SRR: variants seen among roughly 807,000 people sequenced by gnomAD.
The protein encoded by SRR is serine racemase.
SRR carries 19 observed loss-of-function variants against 32.7 expected under a neutral mutation model. That is an observed-to-expected ratio of 0.58 (90% confidence interval 0.40 to 0.85). The LOEUF (loss-of-function observed/expected upper bound fraction) is 0.85, where lower values mean the gene tolerates loss of function less well. SRR is among the 40% of genes least tolerant of loss of function. The pLI is 0.00. For missense variants in SRR, 373 were observed against 404.7 expected (o/e 0.92, Z 0.67); for synonymous variants, 142 against 140.9 (o/e 1.01, Z -0.06).
chr17:2,315,361 C>T (rs1260736902), intron 1 of SRR, 196 bp from the exon 2 acceptor site: 1 of 463,680 alleles, frequency 2.2e-6, no homozygotes, highest in African/African-American at 2.0e-5. Context: ...TTACTTCCCT[C>T]AAAGCTTCAC....
chr17:2,318,464 CTTTTTTTTTT>C (rs1170914950), intron 3 of SRR, among the ~76,000 whole-genome samples: 15 of 126,578 alleles, frequency 1.2e-4, no homozygotes, highest in African/African-American at 4.5e-4. Flanking sequence ...ATGTTTCTTT[CTTTTTTTTTT>C]TTTTTTTTGA....
Position 2,317,941 on chromosome 17 carries a change from TACTC to T in SRR, c.243_246del (p.His82AlafsTer77), listed in dbSNP as rs755864599. 1.2e-6 allele frequency: 2 copies of T among 1,614,070 alleles called. No homozygotes were observed. Among genetic ancestry groups the T allele is most frequent in the Non-Finnish European group, 1.7e-6 (2 of 1,179,980 alleles). On this transcript the variant is annotated frameshift_variant, in exon 3 of 8. Transcript: ENST00000344595. LOFTEE classifies it high-confidence loss of function. ...TAGAAAGGAAGCCGAAAGCTGTTGT[TACTC>T]ACAGCAGTGGAAACCATGGCCAGGC...
In SRR at chr17:2,315,579, A is replaced by G. The variant is rs892969176; in HGVS notation, c.19A>G (p.Ile7Val). 1 of 1,613,722 alleles carries G rather than the reference A, an allele frequency of 6.2e-7. No individual in the cohort carries two copies. Residue 7 changes from isoleucine (I) to valine (V), a missense_variant, in exon 2 of 8, where the codon ATC becomes GTC. Coordinates refer to ENST00000344595, the MANE Select transcript of SRR (RefSeq NM_021947.3). MCAQYC[I>V]SFADVEKAHI... ...CAGAACCATGTGTGCTCAGTATTGC[A>G]TCTCCTTTGCTGATGTTGAAAAAGC...
chr17:2,303,882 C>T, upstream of SRR: 1 of 533,748 alleles, frequency 1.9e-6, no homozygotes, highest in Non-Finnish European at 3.2e-6. Flanking sequence ...GGAGGAAAAG[C>T]GCCCGCCGCC....
chr17:2,319,587 C>A (rs1181545073), intron 4 of SRR, among the ~76,000 whole-genome samples: 2 of 151,920 alleles, frequency 1.3e-5, no homozygotes, highest in Non-Finnish European at 2.9e-5. Flanking sequence ...AGCCAGGAAT[C>A]CTCTCTGATA....
upstream of SRR, chr17:2,303,687 C>T: frequency 1.3e-6 from 2 of 1,496,514 alleles, no homozygotes; most frequent in Non-Finnish European, 1.8e-6. Context: ...AGCTCCGACG[C>T]GGAGATCCGC....
At chr17:2,316,642 T>G (rs112151397) in intron 2 of SRR, among the ~76,000 whole-genome samples, 76 of 152,308 alleles carry the variant, frequency 5.0e-4, no homozygotes, top group African/African-American at 1.8e-3. Context: ...TTTGGGAGGC[T>G]GAGGCAGGTG....
chr17:2,310,415 C>T (rs555187297), intron 1 of SRR, among the ~76,000 whole-genome samples: 2 of 152,124 alleles, frequency 1.3e-5, no homozygotes, highest in Admixed American at 6.5e-5. Context: ...AGGGTTTCAA[C>T]GTGTTGCCCA....
chr17:2,315,542 A>G lies in SRR; in HGVS notation c.-4-15A>G. ...CAGACTTTGCTTTGACCCCTTTCTT[A>G]TTCCTGGGTTTCAGAACCATGTGTG... is the stretch of plus-strand genomic sequence containing the variant. On this transcript the variant is annotated splice_polypyrimidine_tract_variant and intron_variant, in intron 1 of 7. Coordinates refer to ENST00000344595, the MANE Select transcript of SRR (RefSeq NM_021947.3). 6 of 1,600,806 alleles carry G rather than the reference A, an allele frequency of 3.7e-6. No individual in the cohort carries two copies. Among genetic ancestry groups the G allele is most frequent in the Non-Finnish European group, 4.3e-6 (5 of 1,174,700 alleles).
rs753038681 is a variant in SRR at position 2,324,741 on chromosome 17, A to G, written c.*868A>G. 1 of 1,614,228 alleles carries G rather than the reference A, an allele frequency of 6.2e-7. No individual in the cohort carries two copies. The highest frequency in any genetic ancestry group is 8.5e-7 in the Non-Finnish European group (1 of 1,180,026). On this transcript the variant is annotated 3_prime_UTR_variant, in exon 8 of 8. Transcript: ENST00000344595. ...CTGCCATCTTAGTAAAAATTTTGAA[A>G]GGATGACCACTCAGAACAACTCTCT...
intron 3 of SRR, 70 bp downstream of exon 3, chr17:2,318,066 G>C: frequency 6.8e-7 from 1 of 1,466,468 alleles, no homozygotes. Flanking sequence ...ATTTCAGTGA[G>C]AGTGATGATA....
In SRR at chr17:2,317,513, T is replaced by TA. The variant is rs201360612; in HGVS notation, c.169-350dup. ...GGCTACAACAGAGCGAGACTAGGTC[T>TA]AAAAAAATAAAAAAAAAAAATTTAG... On this transcript the variant is annotated intron_variant, in intron 2 of 7. Coordinates refer to ENST00000344595, the MANE Select transcript of SRR (RefSeq NM_021947.3). Among the ~76,000 whole-genome samples, 601 of 124,266 alleles carry TA rather than the reference T, an allele frequency of 4.8e-3. 11 individuals carry two copies. The highest frequency in any genetic ancestry group is 0.013 in the East Asian group (53 of 4,062). The allele number at this position is 124,266 out of a possible 152,430, so 81.5% of individuals were successfully genotyped here. A position where few individuals can be genotyped will look rare whatever the true frequency, so the allele number is the denominator to read the frequency against.
chr17:2,319,045 A>G (rs2151435128), intron 4 of SRR, 116 bp downstream of exon 4: 2 of 657,416 alleles, frequency 3.0e-6, no homozygotes, highest in East Asian at 5.6e-5. Context: ...TATTTCTGTT[A>G]GCATGCTCAA....
At chr17:2,321,840 C>T (rs1361135411) in intron 6 of SRR, among the ~76,000 whole-genome samples, 1 of 152,194 alleles carries the variant, frequency 6.6e-6, no homozygotes, top group Non-Finnish European at 1.5e-5. Flanking sequence ...TGCAGTGGCA[C>T]GATCCTGGCC....
At chr17:2,318,784 T>G (rs371471897) in intron 3 of SRR, 42 bp from the exon 4 acceptor site, 3 of 1,505,672 alleles carry the variant, frequency 2.0e-6, no homozygotes, top group Non-Finnish European at 1.8e-6. Flanking sequence ...AAGTTTCTAT[T>G]CTAAATTCTC....
At chr17:2,303,662 G>T, upstream of SRR, 1 of 1,493,020 alleles carries the variant, frequency 6.7e-7, no homozygotes, top group Non-Finnish European at 8.9e-7. Context: ...GGCCAGAGTA[G>T]CCAGGATCCC....
In SRR at chr17:2,320,192, C is replaced by G. The variant is rs191085938; in HGVS notation, c.400-1114C>G. 2.2e-3 allele frequency among the ~76,000 whole-genome samples: 334 copies of G among 149,474 alleles called. 1 individual carries two copies. Among genetic ancestry groups the G allele is most frequent in the Non-Finnish European group, 3.8e-3 (255 of 67,388 alleles). On this transcript the variant is annotated intron_variant, in intron 4 of 7. Coordinates refer to ENST00000344595, the MANE Select transcript of SRR (RefSeq NM_021947.3). ...TACACGGTGGAAACGAGAGTTCTTG[C>G]AATCATCTAATCCCTGGATAAACTC...
chr17:2,317,899 C>T lies in SRR; in HGVS notation c.198C>T (p.Ser66=), dbSNP rs148763816. ...GTGGTGCTCTCAATGCCGTCAGAAG[C>T]TTGGTTCCTGATGCTTTAGAAAGGA... ...KIRGALNAVR[S]LVPDALERKP... is the part of the protein sequence containing the mutation. Residue 66 remains serine (S), a synonymous_variant, in exon 3 of 8, where the codon AGC becomes AGT. Transcript: ENST00000344595. 60 of 1,613,962 alleles carry T rather than the reference C, an allele frequency of 3.7e-5. No individual in the cohort carries two copies. In the African/African-American group the frequency reaches 5.6e-4, roughly 15 times the overall value.
intron 1 of SRR, among the ~76,000 whole-genome samples, chr17:2,310,618 G>A (rs1344140281): frequency 6.6e-6 from 1 of 151,530 alleles, no homozygotes; most frequent in African/African-American, 2.4e-5. Flanking sequence ...TCACTCTGTC[G>A]CCCAGGCTGG....
Sources: allele counts gnomAD v4.1 joint callset (sites outside exome capture counted in the v4.1 genomes callset), GRCh38; gene constraint gnomAD v4.1.1; transcripts MANE v1.5; gene names NCBI Gene and HGNC (gene_info 2026-07-23, HGNC 2026-07-21).